Variants in CSNK1A1 observed in about 807,000 individuals in gnomAD.
CSNK1A1 encodes the protein casein kinase 1 alpha 1.
CSNK1A1 carries 7 observed loss-of-function variants against 46.1 expected under a neutral mutation model. The ratio of observed to expected loss-of-function variants is 0.15; its 90% CI spans 0.09 to 0.29. The LOEUF (loss-of-function observed/expected upper bound fraction) is 0.29. Among genes scored for constraint, CSNK1A1 ranks in the 10% least tolerant of loss-of-function variants. The pLI is 1.00. For synonymous variants in CSNK1A1, 137 were observed against 141.5 expected, an observed-to-expected ratio of 0.97 and a Z score of 0.23; for missense variants, 96 against 417.1, an observed-to-expected ratio of 0.23 and a Z score of 6.71.
At chr5:149,497,759 C>T (rs1760698662) in intron 9 of CSNK1A1, 3 of 985,338 alleles carry the variant, frequency 3.0e-6, no homozygotes, top group African/African-American at 1.7e-5. Flanking sequence ...CTCATTCTAG[C>T]CCACTCCAAT....
chr5:149,508,861 A>T (rs1761122699), intron 7 of CSNK1A1, among the ~76,000 whole-genome samples: 1 of 152,204 alleles, frequency 6.6e-6, no homozygotes, highest in Non-Finnish European at 1.5e-5. Flanking sequence ...GCCCTAACAA[A>T]CCAGAAACAT....
intron 2 of CSNK1A1, among the ~76,000 whole-genome samples, chr5:149,527,666 T>A (rs556997548): frequency 1.3e-5 from 2 of 152,204 alleles, no homozygotes; most frequent in South Asian, 4.1e-4. Flanking sequence ...TTTTCTTTTG[T>A]TATTTTCCCT....
chr5:149,513,675 G>A (rs1331399262), intron 4 of CSNK1A1, among the ~76,000 whole-genome samples: 3 of 152,068 alleles, frequency 2.0e-5, no homozygotes, highest in African/African-American at 7.2e-5. Context: ...TGAGGCAGGC[G>A]GATAACTTGA....
At position 149,505,451 on chromosome 5, in the gene CSNK1A1, C is replaced by T; in HGVS notation, c.1002G>A (p.Met334Ile). The T allele has an allele frequency of 6.2e-7, 1 of 1,613,586 alleles. No homozygotes were observed. The highest frequency in any genetic ancestry group is 8.5e-7 in the Non-Finnish European group (1 of 1,179,786). The change falls in exon 9 of 10, where the codon ATG (methionine) becomes ATA (isoleucine). Residue 334 changes from methionine to isoleucine, a missense_variant. Physicochemically the swap from Met to Ile is conservative, Grantham distance 10. Transcript: ENST00000377843. ...ACTTGGTTCTTGGCTACTAACCTTTCATGTTACTCTTGGTTTTGTCAGTTT... is the reference window on the plus strand; with the variant it reads ...ACTTGGTTCTTGGCTACTAACCTTTTATGTTACTCTTGGTTTTGTCAGTTT... ...GKQTDKTKSN[M>I]KGF
rs532238156 is a variant in CSNK1A1, at chr5:149,539,492, G to C, written c.230+10583C>G. On this transcript the variant is annotated intron_variant, in intron 2 of 9. Transcript: ENST00000377843. The stretch of plus-strand genomic sequence containing the variant: ...TTAAAAAAAAAAAAAAGAAAGAAAA[G>C]AGTATAGCCTTATTAGGTTGTAATT... 4.0e-5 allele frequency among the ~76,000 whole-genome samples: 6 copies of C among 151,298 alleles called. No homozygotes were observed. In the South Asian group the frequency reaches 1.3e-3, roughly 32 times the overall value.
At chr5:149,503,279 G>A (rs1416149941) in intron 9 of CSNK1A1, 23 of 985,300 alleles carry the variant, frequency 2.3e-5, no homozygotes, top group Non-Finnish European at 2.8e-5. Flanking sequence ...CCTAAGGCCC[G>A]AAGGCCAGCT....
At chr5:149,498,269 G>A (rs1760720627) in intron 9 of CSNK1A1, 2 of 985,054 alleles carry the variant, frequency 2.0e-6, no homozygotes, top group South Asian at 9.4e-5. Flanking sequence ...CAAGAGAGTA[G>A]GTGCATAATA....
At chr5:149,503,438 A>G in intron 9 of CSNK1A1, 2 of 985,462 alleles carry the variant, frequency 2.0e-6, no homozygotes, top group Non-Finnish European at 2.4e-6. Context: ...AGCAATACAG[A>G]TGTACTGCCT....
At chr5:149,510,424 C>G (rs941948357) in intron 6 of CSNK1A1, among the ~76,000 whole-genome samples, 1 of 151,960 alleles carries the variant, frequency 6.6e-6, no homozygotes, top group African/African-American at 2.4e-5. Flanking sequence ...TGTGCATCAT[C>G]ATACCCAGCT....
intron 2 of CSNK1A1, among the ~76,000 whole-genome samples, chr5:149,534,461 C>A (rs1399356093): frequency 1.6e-5 from 2 of 123,578 alleles, no homozygotes; most frequent in Non-Finnish European, 3.2e-5. Flanking sequence ...TCCAGCCTGG[C>A]GACAGAGCGA....
At chr5:149,527,815 TAAGG>T (rs925051942) in intron 2 of CSNK1A1, among the ~76,000 whole-genome samples, 13 of 152,100 alleles carry the variant, frequency 8.5e-5, no homozygotes, top group African/African-American at 3.1e-4. Flanking sequence ...CAGAAAGAGC[TAAGG>T]AAGTAAGAAG....
intron 9 of CSNK1A1, chr5:149,498,684 T>C: frequency 1.0e-6 from 1 of 985,424 alleles, no homozygotes. Context: ...AAAAAACGTA[T>C]TTTCACAACT....
chr5:149,524,285 C>T (rs894499747), intron 3 of CSNK1A1, among the ~76,000 whole-genome samples: 1 of 152,072 alleles, frequency 6.6e-6, no homozygotes, highest in Non-Finnish European at 1.5e-5. Flanking sequence ...TTTATAAGCA[C>T]ACTGAGTTTA....
chr5:149,529,053 A>T (rs1761806179), intron 2 of CSNK1A1, among the ~76,000 whole-genome samples: 1 of 152,238 alleles, frequency 6.6e-6, no homozygotes, highest in African/African-American at 2.4e-5. Context: ...TCAGGTAATT[A>T]TGAGACTAAA....
At chr5:149,537,372 T>A (rs990193384) in intron 2 of CSNK1A1, among the ~76,000 whole-genome samples, 2 of 152,180 alleles carry the variant, frequency 1.3e-5, no homozygotes, top group South Asian at 4.1e-4. Flanking sequence ...TGAGACTCCA[T>A]CTCTAGTGAA....
At chr5:149,518,779 G>T (rs1761472591) in intron 4 of CSNK1A1, among the ~76,000 whole-genome samples, 1 of 151,150 alleles carries the variant, frequency 6.6e-6, no homozygotes, top group Non-Finnish European at 1.5e-5. Context: ...CGATTAACAA[G>T]CTATTCTTAA....
At chr5:149,498,008 A>G in intron 9 of CSNK1A1, 1 of 693,940 alleles carries the variant, frequency 1.4e-6, no homozygotes, top group South Asian at 6.5e-5. Flanking sequence ...TAATTTTTGT[A>G]TTTATAGTAG....
At chr5:149,512,056 A>C (rs1040819087) in intron 5 of CSNK1A1, among the ~76,000 whole-genome samples, 184 bp from the exon 6 acceptor site, 8 of 152,044 alleles carry the variant, frequency 5.3e-5, no homozygotes, top group Non-Finnish European at 1.2e-4. Flanking sequence ...TCTAAACAAA[A>C]CTTTTTCCAT....
chr5:149,541,952 CAG>C (rs1174183848), intron 2 of CSNK1A1, among the ~76,000 whole-genome samples: 1 of 98,774 alleles, frequency 1.0e-5, no homozygotes, highest in African/African-American at 4.1e-5. Flanking sequence ...GCCTGGGCAA[CAG>C]AGAAAGACTG....
Sources: gnomAD v4.1 joint callset for allele counts (sites outside exome capture counted in the v4.1 genomes callset) on GRCh38, gnomAD v4.1.1 for gene constraint, MANE v1.5 for transcripts, NCBI Gene and HGNC (gene_info 2026-07-23, HGNC 2026-07-21) for gene names.